NDST3: variants seen among roughly 807,000 people sequenced by gnomAD.
NDST3 encodes N-deacetylase and N-sulfotransferase 3, also known as bifunctional heparan sulfate N-deacetylase/N-sulfotransferase 3.
NDST3 carries 58 observed loss-of-function variants against 96.1 expected under a neutral mutation model. The ratio of observed to expected loss-of-function variants is 0.60; its 90% confidence interval spans 0.49 to 0.75. The LOEUF (loss-of-function observed/expected upper bound fraction) is 0.75, where lower values mean the gene tolerates loss of function less well. Among genes scored for constraint, NDST3 ranks in the 30% least tolerant of loss-of-function variants. The probability of loss-of-function intolerance (pLI) is 0.00; values close to 1 mark genes in which losing one functional copy is unlikely to be tolerated. For missense variants in NDST3, 788 were observed against 1,034.2 expected (o/e 0.76, Z 3.27); for synonymous variants, 333 against 359.7 (o/e 0.93, Z 0.84).
chr4:118,157,183 GAA>G (rs1187843204), intron 6 of NDST3, among the ~76,000 whole-genome samples: 1 of 151,858 alleles, frequency 6.6e-6, no homozygotes. Flanking sequence ...ATTAAGGGAG[GAA>G]AAAGTGGGCA....
rs538855672 is a variant in NDST3 at position 118,093,020 on chromosome 4, G to A, written c.982-11998G>A. 2.3e-3 allele frequency among the ~76,000 whole-genome samples: 43 copies of A among 18,594 alleles called. No homozygotes were observed. In the Non-Finnish European group the frequency reaches 0.11, roughly 47 times the overall value. The allele number at this position is 18,594 out of a possible 152,430, so 12.2% of individuals were successfully genotyped here. ...GATGCTCTGAGGAAGAGACTTAGGG[G>A]CAGAGAAAATAACAGCATGAGTAAA... is the stretch of plus-strand genomic sequence containing the variant. On this transcript the variant is annotated intron_variant, in intron 2 of 13. Coordinates refer to ENST00000296499, the MANE Select transcript of NDST3 (RefSeq NM_004784.3).
intron 1 of NDST3, among the ~76,000 whole-genome samples, chr4:118,046,407 C>T (rs1247232303): frequency 1.3e-5 from 2 of 152,192 alleles, no homozygotes; most frequent in Non-Finnish European, 2.9e-5. Context: ...CTCTCCATCT[C>T]CCTCCAAAAA....
intron 6 of NDST3, among the ~76,000 whole-genome samples, chr4:118,178,333 G>A (rs11946772): frequency 0.012 from 1,820 of 151,938 alleles, 32 homozygotes; most frequent in African/African-American, 0.041. Flanking sequence ...CAGCAATTCC[G>A]TATTCCTCCT....
chr4:118,052,958 G>T (rs1725165777), intron 1 of NDST3, among the ~76,000 whole-genome samples: 1 of 151,848 alleles, frequency 6.6e-6, no homozygotes, highest in South Asian at 2.1e-4. Flanking sequence ...AACATTTTTG[G>T]AGTAGTTTTT....
chr4:118,036,773 TAC>T lies in NDST3; in HGVS notation c.-156+2183_-156+2184del, dbSNP rs1193817392. Among the ~76,000 whole-genome samples, 10 of 152,294 alleles carry T rather than the reference TAC, an allele frequency of 6.6e-5. No homozygotes were observed. The East Asian group carries it at 1.9e-3, about 29-fold the overall frequency. On this transcript the variant is annotated intron_variant, in intron 1 of 13. Transcript: ENST00000296499. The stretch of plus-strand genomic sequence containing the variant: ...ACATTTTCATCGATTTCATGTAAGT[TAC>T]AGGACAAGAAAAAAAAAGTAGTCAG...
chr4:118,222,673 C>T (rs912389746), intron 6 of NDST3, among the ~76,000 whole-genome samples: 2 of 152,012 alleles, frequency 1.3e-5, no homozygotes, highest in African/African-American at 4.8e-5. Flanking sequence ...CTAAGTTCAA[C>T]ACCTTATAAG....
In NDST3 at chr4:118,166,243, T is replaced by C. The variant is rs752203931; in HGVS notation, c.1539+22559T>C. On this transcript the variant is annotated intron_variant, in intron 6 of 13. Coordinates refer to ENST00000296499, the MANE Select transcript of NDST3 (RefSeq NM_004784.3). Reference sequence around the variant, plus strand: ...AAGACATTACAACTGATCACTGGAATAAAGATGATCATAATAGTCTATAAT... The same window carrying C: ...AAGACATTACAACTGATCACTGGAACAAAGATGATCATAATAGTCTATAAT... Among the ~76,000 whole-genome samples, 18 of 151,830 alleles carry C rather than the reference T, an allele frequency of 1.2e-4. No individual in the cohort carries two copies. The South Asian group carries it at 2.1e-3, about 17-fold the overall frequency.
intron 6 of NDST3, among the ~76,000 whole-genome samples, chr4:118,162,450 T>C (rs1194991218): frequency 1.3e-5 from 2 of 151,836 alleles, no homozygotes; most frequent in Admixed American, 6.6e-5. Flanking sequence ...ATGCTGCGTA[T>C]CTACAACTAT....
At chr4:118,055,606 T>C (rs1367808807) in intron 2 of NDST3, 1 of 152,004 alleles carries the variant, frequency 6.6e-6, no homozygotes, top group Non-Finnish European at 1.5e-5. Context: ...TTGTGTTACA[T>C]AAACAGCTGA....
intron 4 of NDST3, among the ~76,000 whole-genome samples, chr4:118,118,501 C>T (rs1022781294): frequency 7.9e-5 from 12 of 152,182 alleles, no homozygotes; most frequent in Admixed American, 7.9e-4. Flanking sequence ...ACAAATACAT[C>T]TTATCTATTA....
intron 13 of NDST3, among the ~76,000 whole-genome samples, chr4:118,254,221 G>A (rs1190307334): frequency 1.4e-5 from 2 of 148,086 alleles, no homozygotes. Flanking sequence ...CTCCAGCCTG[G>A]GCAGCAAGAG....
chr4:118,250,150 C>T (rs1266719545), intron 12 of NDST3, among the ~76,000 whole-genome samples: 1 of 152,156 alleles, frequency 6.6e-6, no homozygotes, highest in Non-Finnish European at 1.5e-5. Flanking sequence ...CTATCACGAA[C>T]AAAGCTACTG....
intron 6 of NDST3, among the ~76,000 whole-genome samples, chr4:118,205,300 C>T (rs1039447702): frequency 1.4e-5 from 2 of 144,248 alleles, no homozygotes; most frequent in African/African-American, 5.1e-5. Context: ...ACTAATTTAT[C>T]ATCTATTTAC....
rs1309178248 is a variant in NDST3 at position 118,138,214 on chromosome 4, G to A, written c.1385G>A (p.Arg462Lys). The A allele has an allele frequency of 6.2e-7, 1 of 1,613,656 alleles. No individual in the cohort carries two copies. The highest frequency in any genetic ancestry group is 8.5e-7 in the Non-Finnish European group (1 of 1,179,834). Residue 462 changes from arginine (R) to lysine (K), a missense_variant, in exon 5 of 14, where the codon AGG becomes AAG. Transcript: ENST00000296499. The part of the protein sequence containing the change: ...YPHLKPARYR[R>K]GFIHKNIMVL... Reference sequence around the variant, plus strand: ...CATCTGAAGCCAGCTAGATACCGGAGGGGTTTTATCCACAAAAACATCATG... The same window carrying A: ...CATCTGAAGCCAGCTAGATACCGGAAGGGTTTTATCCACAAAAACATCATG...
Position 118,233,014 on chromosome 4 carries a change from A to G in NDST3, c.1822A>G (p.Thr608Ala). The G allele has an allele frequency of 6.2e-7, 1 of 1,611,632 alleles. No individual in the cohort carries two copies. Among genetic ancestry groups the G allele is most frequent in the Non-Finnish European group, 8.5e-7 (1 of 1,178,462 alleles). The change falls in exon 9 of 14, where the codon ACC (threonine) becomes GCC (alanine). Residue 608 changes from threonine to alanine, a missense_variant and splice_region_variant. Physicochemically the swap from Thr to Ala is moderately conservative, Grantham distance 58. Around this residue, in one of 3 missense-constraint regions of NDST3, gnomAD observed 490 missense variants for 708.8 expected, o/e 0.69. Transcript: ENST00000296499. ...CTGAACCTCTATTGTCTTTCTAGGTACCACTGCTTTGTATTTGTTCCTGGT... is the reference window on the plus strand; with the variant it reads ...CTGAACCTCTATTGTCTTTCTAGGTGCCACTGCTTTGTATTTGTTCCTGGT... ...FLVIGPQKTG[T>A]TALYLFLVMH...
chr4:118,230,164 A>C (rs940830903), intron 8 of NDST3, among the ~76,000 whole-genome samples: 3 of 152,178 alleles, frequency 2.0e-5, no homozygotes, highest in African/African-American at 7.2e-5. Flanking sequence ...CGTGGATTTC[A>C]TGTAATGGAG....
At chr4:118,133,524 A>T (rs1732816150) in intron 4 of NDST3, among the ~76,000 whole-genome samples, 1 of 152,182 alleles carries the variant, frequency 6.6e-6, no homozygotes, top group South Asian at 2.1e-4. Context: ...ATGAAGATAA[A>T]ACGAGGTACT....
At chr4:118,230,636 C>G (rs1740221899) in intron 8 of NDST3, among the ~76,000 whole-genome samples, 1 of 151,874 alleles carries the variant, frequency 6.6e-6, no homozygotes, top group South Asian at 2.1e-4. Flanking sequence ...ATCAGAGATA[C>G]TGGGATAGGG....
At chr4:118,168,335 C>T (rs1360354630) in intron 6 of NDST3, among the ~76,000 whole-genome samples, 1 of 151,928 alleles carries the variant, frequency 6.6e-6, no homozygotes, top group African/African-American at 2.4e-5. Flanking sequence ...GTCAATGCTC[C>T]TGATGAATAT....
Sources: allele counts gnomAD v4.1 joint callset (sites outside exome capture counted in the v4.1 genomes callset), GRCh38; gene constraint gnomAD v4.1.1; regional missense constraint gnomAD v4.1.1; transcripts MANE v1.5; gene names NCBI Gene and HGNC (gene_info 2026-07-23, HGNC 2026-07-21).